FBXL17: variants seen among roughly 807,000 people sequenced by gnomAD.
The protein encoded by FBXL17 is F-box and leucine rich repeat protein 17.
FBXL17 carries 22 observed loss-of-function variants against 66.2 expected under a neutral mutation model. The observed-to-expected ratio is 0.33, with a 90% CI of 0.24 to 0.47. The LOEUF (loss-of-function observed/expected upper bound fraction) is 0.47. Among genes scored for constraint, FBXL17 ranks in the 20% least tolerant of loss-of-function variants. The probability of loss-of-function intolerance (pLI) is 1.00; values close to 1 mark genes in which losing one functional copy is unlikely to be tolerated. For synonymous variants in FBXL17, 474 were observed against 400.5 expected, an observed-to-expected ratio of 1.18 and a Z score of -2.19; for missense variants, 878 against 948.2, an observed-to-expected ratio of 0.93 and a Z score of 0.97.
chr5:107,926,485 T>G (rs955388896), intron 7 of FBXL17, among the ~76,000 whole-genome samples: 1 of 152,024 alleles, frequency 6.6e-6, no homozygotes, highest in African/African-American at 2.4e-5. Flanking sequence ...TCTTTTTCCT[T>G]GCATCTCCTG....
At chr5:108,202,066 A>G (rs534832423) in intron 5 of FBXL17, among the ~76,000 whole-genome samples, 2 of 152,276 alleles carry the variant, frequency 1.3e-5, no homozygotes, top group South Asian at 4.1e-4. Flanking sequence ...TTAAAATATA[A>G]AGCCATGATC....
intron 5 of FBXL17, among the ~76,000 whole-genome samples, chr5:108,209,517 G>T (rs1041784957): frequency 6.6e-6 from 1 of 152,138 alleles, no homozygotes; most frequent in South Asian, 2.1e-4. Context: ...TTTTTAACAT[G>T]AAGGGGTGTT....
intron 7 of FBXL17, among the ~76,000 whole-genome samples, chr5:107,975,857 G>GTTTT (rs1554053909): frequency 2.5e-5 from 2 of 79,918 alleles, no homozygotes; most frequent in African/African-American, 4.5e-5. Flanking sequence ...TGTTGTTGTT[G>GTTTT]TTTTTTTTTT....
intron 6 of FBXL17, among the ~76,000 whole-genome samples, chr5:108,163,493 C>T (rs566166369): frequency 9.4e-4 from 143 of 151,542 alleles, no homozygotes; most frequent in Non-Finnish European, 1.5e-3. Context: ...CTCCGCCTCC[C>T]GGGTTCACAC....
intron 7 of FBXL17, among the ~76,000 whole-genome samples, chr5:107,907,758 C>G (rs1749813241): frequency 6.6e-6 from 1 of 152,116 alleles, no homozygotes; most frequent in East Asian, 1.9e-4. Flanking sequence ...CCATCTCACA[C>G]CAGTTAGAAT....
At chr5:107,994,762 C>T (rs931585181) in intron 7 of FBXL17, among the ~76,000 whole-genome samples, 11 of 152,000 alleles carry the variant, frequency 7.2e-5, no homozygotes, top group Non-Finnish European at 1.3e-4. Context: ...CCCTTCAACC[C>T]GGGAGGCGGA....
chr5:108,081,033 G>A (rs1238220386), intron 6 of FBXL17, among the ~76,000 whole-genome samples: 3 of 152,050 alleles, frequency 2.0e-5, no homozygotes, highest in African/African-American at 2.4e-5. Context: ...TTCAAAATAC[G>A]TCAAAGAAAT....
chr5:108,308,660 A>G (rs2150193542), intron 4 of FBXL17, among the ~76,000 whole-genome samples: 1 of 152,314 alleles, frequency 6.6e-6, no homozygotes, highest in African/African-American at 2.4e-5. Flanking sequence ...ACTGTGACAC[A>G]TCAGGTTGCT....
chr5:108,280,711 C>G (rs1267011159), intron 4 of FBXL17, among the ~76,000 whole-genome samples: 1 of 144,394 alleles, frequency 6.9e-6, no homozygotes, highest in African/African-American at 2.6e-5. Context: ...CAATTAAAAG[C>G]TATACATTGG....
intron 5 of FBXL17, among the ~76,000 whole-genome samples, chr5:108,210,764 G>T (rs1301977255): frequency 6.6e-6 from 1 of 152,162 alleles, no homozygotes; most frequent in Non-Finnish European, 1.5e-5. Flanking sequence ...GTGCAGTGAG[G>T]TGCTGAGAAG....
chr5:108,279,542 C>G (rs955354098), intron 4 of FBXL17, among the ~76,000 whole-genome samples: 2 of 150,494 alleles, frequency 1.3e-5, no homozygotes, highest in Non-Finnish European at 3.0e-5. Flanking sequence ...ACATCATAGT[C>G]ACATCTTCAG....
In FBXL17 at chr5:107,912,134, C is replaced by T. The variant is rs529237948; in HGVS notation, c.1823-30955G>A. The stretch of plus-strand genomic sequence containing the variant: ...GTAGCAATTAAACTGAAAATGAATA[C>T]AGCTCAGGATCCAAACATTTACAAT... On this transcript the variant is annotated intron_variant, in intron 7 of 8. Coordinates refer to ENST00000542267, the MANE Select transcript of FBXL17 (RefSeq NM_001163315.3). Among the ~76,000 whole-genome samples, 4 of 152,232 alleles carry T rather than the reference C, an allele frequency of 2.6e-5. No individual in the cohort carries two copies. In the South Asian group the frequency reaches 6.2e-4, roughly 24 times the overall value.
chr5:107,888,609 A>G (rs933183634), intron 7 of FBXL17, among the ~76,000 whole-genome samples: 6 of 152,156 alleles, frequency 3.9e-5, no homozygotes, highest in Admixed American at 3.9e-4. Context: ...ATAGAGTCAA[A>G]CACCAAACAT....
In FBXL17 at chr5:107,862,705, T is replaced by A. The variant is rs1192346831; in HGVS notation, c.1966-845A>T. ...TTCAAATACATCAATATTTCATTTATACCGAGTAAGCTAGTCTGAAAAAAG... is the reference window on the plus strand; with the variant it reads ...TTCAAATACATCAATATTTCATTTAAACCGAGTAAGCTAGTCTGAAAAAAG... On this transcript the variant is annotated intron_variant, in intron 8 of 8. Coordinates refer to ENST00000542267, the MANE Select transcript of FBXL17 (RefSeq NM_001163315.3). Among the ~76,000 whole-genome samples, 4 of 152,358 alleles carry A rather than the reference T, an allele frequency of 2.6e-5. No homozygotes were observed. In the East Asian group the frequency reaches 7.7e-4, roughly 29 times the overall value.
At chr5:108,155,985 T>TA (rs1392001132) in intron 6 of FBXL17, among the ~76,000 whole-genome samples, 1 of 152,090 alleles carries the variant, frequency 6.6e-6, no homozygotes, top group Admixed American at 6.5e-5. Flanking sequence ...TACCTTTTGC[T>TA]GGAAAAAAAG....
intron 5 of FBXL17, among the ~76,000 whole-genome samples, chr5:108,219,928 C>CTTTT: frequency 2.7e-4 from 10 of 37,452 alleles, no homozygotes; most frequent in African/African-American, 9.7e-4. Context: ...TTACTATTTC[C>CTTTT]TTTTTTTTTT....
intron 6 of FBXL17, among the ~76,000 whole-genome samples, chr5:108,102,050 G>C (rs1461237739): frequency 6.6e-6 from 1 of 152,144 alleles, no homozygotes; most frequent in African/African-American, 2.4e-5. Flanking sequence ...TGGGGCCCAA[G>C]TGAGATGAGC....
intron 6 of FBXL17, among the ~76,000 whole-genome samples, chr5:108,161,327 CA>C (rs1326733087): frequency 6.6e-6 from 1 of 151,244 alleles, no homozygotes; most frequent in African/African-American, 2.4e-5. Flanking sequence ...TACTAAAATA[CA>C]AAAAAAAATT....
At chr5:108,306,608 T>C (rs1271171527) in intron 4 of FBXL17, among the ~76,000 whole-genome samples, 1 of 152,078 alleles carries the variant, frequency 6.6e-6, no homozygotes, top group African/African-American at 2.4e-5. Context: ...ATTATTATAA[T>C]TTATCTTTGA....
Sources: allele counts gnomAD v4.1 joint callset (sites outside exome capture counted in the v4.1 genomes callset), GRCh38; gene constraint gnomAD v4.1.1; transcripts MANE v1.5; gene names NCBI Gene and HGNC (gene_info 2026-07-23, HGNC 2026-07-21).